Variants in NUDT3 observed in about 807,000 individuals in gnomAD.
The protein encoded by NUDT3 is diphosphoinositol polyphosphate phosphohydrolase 1.
In NUDT3, 9 loss-of-function variants were observed where a neutral mutation model predicts 23.6. That is an observed-to-expected ratio of 0.38 (90% CI 0.23 to 0.66). NUDT3 has a LOEUF of 0.66. Among genes scored for constraint, NUDT3 ranks in the 30% least tolerant of loss-of-function variants. The pLI is 0.52. For missense variants in NUDT3, 172 were observed against 218.5 expected, an observed-to-expected ratio of 0.79 and a Z score of 1.34; for synonymous variants, 86 against 82.6, an observed-to-expected ratio of 1.04 and a Z score of -0.22.
chr6:34,365,844 C>T (rs552920252), intron 1 of NUDT3, among the ~76,000 whole-genome samples: 4 of 152,084 alleles, frequency 2.6e-5, no homozygotes, highest in South Asian at 4.1e-4. Context: ...GAGTTCAAGA[C>T]TGGCCTGGCC....
chr6:34,382,022 A>G (rs206920), intron 1 of NUDT3, among the ~76,000 whole-genome samples: 43,750 of 146,060 alleles, frequency 0.3, 8,115 homozygotes, highest in East Asian at 0.49. Context: ...GCAGCGAGCC[A>G]AGATCACACC....
chr6:34,328,685 G>A (rs1764080475), intron 2 of NUDT3, among the ~76,000 whole-genome samples: 2 of 152,054 alleles, frequency 1.3e-5, no homozygotes, highest in South Asian at 4.1e-4. Flanking sequence ...CTTGTCAGAG[G>A]TGTACTTACT....
intron 1 of NUDT3, among the ~76,000 whole-genome samples, chr6:34,363,932 C>T (rs142197376): frequency 2.6e-5 from 4 of 152,178 alleles, no homozygotes; most frequent in Admixed American, 1.3e-4. Context: ...ACCACCACGC[C>T]CAGCTAATAT....
At chr6:34,317,187 TG>T (rs1763874943) in intron 2 of NUDT3, among the ~76,000 whole-genome samples, 1 of 151,962 alleles carries the variant, frequency 6.6e-6, no homozygotes, top group Admixed American at 6.6e-5. Context: ...GAAGCAGGTT[TG>T]GGGGAAGGCA....
rs192381570 is a variant in NUDT3 at position 34,344,164 on chromosome 6, C to G, written c.100-2192G>C. Among the ~76,000 whole-genome samples, 178 of 152,150 alleles carry G rather than the reference C, an allele frequency of 1.2e-3. 1 individual carries two copies. In the East Asian group the frequency reaches 0.013, roughly 11 times the overall value. On this transcript the variant is annotated intron_variant, in intron 1 of 4. Coordinates refer to ENST00000607016, the MANE Select transcript of NUDT3 (RefSeq NM_006703.4). ...CTCAGTAAGTTAAACATAAAATTAC[C>G]ATCAGATCTAGTAACTCCACTGCTA...
chr6:34,389,144 G>T (rs1207573289), intron 1 of NUDT3, among the ~76,000 whole-genome samples: 3 of 152,182 alleles, frequency 2.0e-5, no homozygotes. Flanking sequence ...ATCTCGATTT[G>T]TAATCACCAC....
At chr6:34,366,369 T>C (rs1167546887) in intron 1 of NUDT3, among the ~76,000 whole-genome samples, 1 of 148,702 alleles carries the variant, frequency 6.7e-6, no homozygotes, top group Admixed American at 6.8e-5. Context: ...GAGCAAGACC[T>C]TGTCGAAAAA....
chr6:34,343,527 T>A (rs1444772230), intron 1 of NUDT3, among the ~76,000 whole-genome samples: 1 of 148,454 alleles, frequency 6.7e-6, no homozygotes, highest in East Asian at 2.0e-4. Context: ...GGCCACAGAG[T>A]GAGACCCCCA....
chr6:34,334,893 A>C (rs1486175898), intron 2 of NUDT3, among the ~76,000 whole-genome samples: 1 of 151,566 alleles, frequency 6.6e-6, no homozygotes, highest in Non-Finnish European at 1.5e-5. Flanking sequence ...TGACCATATC[A>C]CTGCACTCTA....
intron 2 of NUDT3, among the ~76,000 whole-genome samples, chr6:34,302,832 G>A (rs1049059370): frequency 6.6e-6 from 1 of 152,162 alleles, no homozygotes; most frequent in Non-Finnish European, 1.5e-5. Context: ...TTTATCGTAC[G>A]ATCCATCTGT....
At chr6:34,386,245 C>A (rs933119924) in intron 1 of NUDT3, among the ~76,000 whole-genome samples, 5 of 152,106 alleles carry the variant, frequency 3.3e-5, no homozygotes, top group African/African-American at 1.2e-4. Flanking sequence ...ATGTTAGTTA[C>A]CACAAATACC....
At chr6:34,379,541 CAG>C (rs1009957956) in intron 1 of NUDT3, among the ~76,000 whole-genome samples, 1 of 151,308 alleles carries the variant, frequency 6.6e-6, no homozygotes, top group African/African-American at 2.4e-5. Flanking sequence ...GCCTGGGCGA[CAG>C]AGAGAGACTC....
chr6:34,309,564 CAATT>C, intron 2 of NUDT3, among the ~76,000 whole-genome samples: 1 of 151,778 alleles, frequency 6.6e-6, no homozygotes, highest in South Asian at 2.1e-4. Context: ...GAAAGAAAAT[CAATT>C]GAGAGGATGA....
chr6:34,392,424 C>G lies in NUDT3; in HGVS notation c.-62G>C, dbSNP rs934860932. 333 of 1,346,968 alleles carry G rather than the reference C, an allele frequency of 2.5e-4. 3 individuals carry two copies. In the South Asian group the frequency reaches 2.8e-3, roughly 11 times the overall value. 83.4% of individuals were successfully genotyped at this position (1,346,968 alleles called of 1,614,324 possible). A position where few individuals can be genotyped will look rare whatever the true frequency, so the allele number is the denominator to read the frequency against. On this transcript the variant is annotated 5_prime_UTR_variant, in exon 1 of 5. Transcript: ENST00000607016. Reference sequence around the variant, plus strand: ...GGAGTCGAGGGGTGGGGAGCCCGCTCTGGACGGCCGCGTGCGCGCGCGCCC... The same window carrying G: ...GGAGTCGAGGGGTGGGGAGCCCGCTGTGGACGGCCGCGTGCGCGCGCGCCC...
chr6:34,340,509 C>T (rs904787758), intron 2 of NUDT3, among the ~76,000 whole-genome samples: 2 of 152,186 alleles, frequency 1.3e-5, no homozygotes, highest in Non-Finnish European at 2.9e-5. Flanking sequence ...TATTAACTGA[C>T]AGTAACAGAA....
chr6:34,333,531 G>A (rs1000410637), intron 2 of NUDT3, among the ~76,000 whole-genome samples: 3 of 152,190 alleles, frequency 2.0e-5, no homozygotes, highest in South Asian at 2.1e-4. Context: ...TGTCGGGGAC[G>A]AAAGATGTCC....
At chr6:34,302,856 A>G (rs1763621210) in intron 2 of NUDT3, among the ~76,000 whole-genome samples, 1 of 152,252 alleles carries the variant, frequency 6.6e-6, no homozygotes, top group Admixed American at 6.5e-5. Flanking sequence ...TTATTTCCAA[A>G]TAGCCAATGG....
chr6:34,341,980 G>C lies in NUDT3; in HGVS notation c.100-8C>G. 1 of 1,610,186 alleles carries C rather than the reference G, an allele frequency of 6.2e-7. No homozygotes were observed. Among genetic ancestry groups the C allele is most frequent in the Non-Finnish European group, 8.5e-7 (1 of 1,178,120 alleles). ...ACTGCTCACGAGTAGCACCTGTTAA[G>C]TCACAAAGGTTGCATGGGGGGGTTA... On this transcript the variant is annotated splice_polypyrimidine_tract_variant and splice_region_variant and intron_variant, in intron 1 of 4. Transcript: ENST00000607016.
chr6:34,327,866 G>A (rs1764065933), intron 2 of NUDT3, among the ~76,000 whole-genome samples: 1 of 152,162 alleles, frequency 6.6e-6, no homozygotes, highest in South Asian at 2.1e-4. Flanking sequence ...GAGCCCTCAA[G>A]CGGCCCTTAT....
Sources: allele counts gnomAD v4.1 joint callset (sites outside exome capture counted in the v4.1 genomes callset), GRCh38; gene constraint gnomAD v4.1.1; transcripts MANE v1.5; gene names NCBI Gene and HGNC (gene_info 2026-07-23, HGNC 2026-07-21).